Variants in CEP128 observed in about 807,000 individuals in gnomAD.
The protein encoded by CEP128 is centrosomal protein 128.
In CEP128, 132 loss-of-function variants were observed where a neutral mutation model predicts 156.7. The observed-to-expected ratio is 0.84, with a 90% confidence interval of 0.73 to 0.97. The LOEUF is 0.97. Among genes scored for constraint, CEP128 ranks in the 50% least tolerant of loss-of-function variants. The probability of loss-of-function intolerance (pLI) is 0.00; values close to 1 mark genes in which losing one functional copy is unlikely to be tolerated. For missense variants in CEP128, 1,252 were observed against 1,281.9 expected, an observed-to-expected ratio of 0.98 and a Z score of 0.36; for synonymous variants, 469 against 448.9, an observed-to-expected ratio of 1.04 and a Z score of -0.57.
chr14:80,734,718 C>A (rs1040776596), intron 19 of CEP128, among the ~76,000 whole-genome samples: 1 of 151,480 alleles, frequency 6.6e-6, no homozygotes, highest in African/African-American at 2.4e-5. Flanking sequence ...TATGGTGGTA[C>A]ACACCTGTAA....
At chr14:80,750,609 T>C (rs1241746971) in intron 18 of CEP128, among the ~76,000 whole-genome samples, 1 of 152,228 alleles carries the variant, frequency 6.6e-6, no homozygotes, top group Non-Finnish European at 1.5e-5. Context: ...CGTTGCCTTT[T>C]CTCCAATGCT....
At chr14:80,701,830 C>A (rs1054564221) in intron 19 of CEP128, among the ~76,000 whole-genome samples, 2 of 152,172 alleles carry the variant, frequency 1.3e-5, no homozygotes, top group African/African-American at 2.4e-5. Flanking sequence ...CCTGTTCCAG[C>A]CACACTGGCT....
intron 2 of CEP128, among the ~76,000 whole-genome samples, chr14:80,923,579 G>T (rs937461042): frequency 6.6e-6 from 1 of 152,176 alleles, no homozygotes; most frequent in Non-Finnish European, 1.5e-5. Context: ...ACTGACTAGT[G>T]CATGTTAAGT....
intron 19 of CEP128, among the ~76,000 whole-genome samples, chr14:80,615,238 G>T (rs1037807291): frequency 2.6e-5 from 4 of 152,096 alleles, no homozygotes; most frequent in Non-Finnish European, 1.5e-5. Flanking sequence ...AATAAAAAAT[G>T]ACATTAAATA....
chr14:80,524,660 C>A (rs1489999439), intron 23 of CEP128, among the ~76,000 whole-genome samples: 1 of 152,054 alleles, frequency 6.6e-6, no homozygotes, highest in Non-Finnish European at 1.5e-5. Flanking sequence ...CCAATGACTA[C>A]CAAAAATGTT....
chr14:80,766,793 C>T (rs762783758), intron 16 of CEP128, among the ~76,000 whole-genome samples: 13 of 152,020 alleles, frequency 8.6e-5, no homozygotes, highest in Non-Finnish European at 1.6e-4. Context: ...CCAAGGCCAT[C>T]TTTACATACG....
chr14:80,754,354 G>C (rs1347998152), intron 18 of CEP128, among the ~76,000 whole-genome samples: 2 of 151,928 alleles, frequency 1.3e-5, no homozygotes, highest in Non-Finnish European at 2.9e-5. Flanking sequence ...TGGGACATCA[G>C]CCTCCATGGC....
downstream of CEP128, among the ~76,000 whole-genome samples, chr14:80,493,306 G>A (rs1432305267): frequency 6.6e-6 from 1 of 152,140 alleles, no homozygotes; most frequent in Non-Finnish European, 1.5e-5. Context: ...AATAAATATT[G>A]CAAGGCTCTG....
At chr14:80,715,095 C>T (rs1405782597) in intron 19 of CEP128, among the ~76,000 whole-genome samples, 4 of 152,078 alleles carry the variant, frequency 2.6e-5, no homozygotes, top group African/African-American at 9.6e-5. Flanking sequence ...TGGTGGTGTG[C>T]ACCCATGGTC....
chr14:80,602,374 C>T (rs995137522), intron 19 of CEP128, among the ~76,000 whole-genome samples: 2 of 152,208 alleles, frequency 1.3e-5, no homozygotes, highest in African/African-American at 4.8e-5. Flanking sequence ...ACCTAATAGT[C>T]ATCTATAGAA....
In CEP128 at chr14:80,836,187, G is replaced by A; in HGVS notation, c.1057+18C>T. On this transcript the variant is annotated intron_variant, in intron 12 of 24. Coordinates refer to ENST00000555265, the MANE Select transcript of CEP128 (RefSeq NM_152446.5). ...CCCACACACATTATCACATTATTAG[G>A]TACAAATCTACTTTTACCTCTCCTA... 1 of 1,612,710 alleles carries A rather than the reference G, an allele frequency of 6.2e-7. No homozygotes were observed. Among genetic ancestry groups the A allele is most frequent in the Non-Finnish European group, 8.5e-7 (1 of 1,179,082 alleles).
intron 9 of CEP128, among the ~76,000 whole-genome samples, chr14:80,860,067 T>G (rs1315800368): frequency 6.6e-6 from 1 of 152,100 alleles, no homozygotes; most frequent in Non-Finnish European, 1.5e-5. Context: ...AGGAAAAAAA[T>G]GCATCAATTA....
At chr14:80,949,293 T>C (rs762539938) in intron 2 of CEP128, among the ~76,000 whole-genome samples, 1 of 152,030 alleles carries the variant, frequency 6.6e-6, no homozygotes, top group Non-Finnish European at 1.5e-5. Context: ...GATTCTTTAA[T>C]TGGGGAGACA....
At chr14:80,896,290 A>G (rs1489211603) in intron 7 of CEP128, among the ~76,000 whole-genome samples, 1 of 152,176 alleles carries the variant, frequency 6.6e-6, no homozygotes, top group Non-Finnish European at 1.5e-5. Flanking sequence ...CCTCAAATTA[A>G]TAACATACAT....
intron 16 of CEP128, among the ~76,000 whole-genome samples, chr14:80,773,620 T>C (rs1358655203): frequency 6.6e-6 from 1 of 152,300 alleles, no homozygotes; most frequent in East Asian, 1.9e-4. Flanking sequence ...CAGATCCATA[T>C]AGATCAGGCA....
intron 19 of CEP128, among the ~76,000 whole-genome samples, chr14:80,719,222 C>G (rs1897722734): frequency 6.6e-6 from 1 of 152,194 alleles, no homozygotes; most frequent in Non-Finnish European, 1.5e-5. Context: ...TTCTAAATAA[C>G]CTGCCCCTTA....
At chr14:80,566,552 A>T (rs1297632859) in intron 20 of CEP128, among the ~76,000 whole-genome samples, 3 of 152,262 alleles carry the variant, frequency 2.0e-5, no homozygotes, top group Non-Finnish European at 4.4e-5. Context: ...GTGTAGCAAC[A>T]TCAAAAAAAG....
chr14:80,609,747 T>C (rs981090500), intron 19 of CEP128, among the ~76,000 whole-genome samples: 3 of 152,062 alleles, frequency 2.0e-5, no homozygotes, highest in South Asian at 2.1e-4. Context: ...ATCAGTCCGT[T>C]TGGAAAGAAT....
chr14:80,613,007 A>ATTTTTTTTTTT (rs66946967), intron 19 of CEP128, among the ~76,000 whole-genome samples: 1 of 114,702 alleles, frequency 8.7e-6, no homozygotes, highest in African/African-American at 3.2e-5. Flanking sequence ...CACCCGGCGA[A>ATTTTTTTTTTT]TTTTTTTTTT....
Sources: gnomAD v4.1 joint callset for allele counts (sites outside exome capture counted in the v4.1 genomes callset) on GRCh38, gnomAD v4.1.1 for gene constraint, MANE v1.5 for transcripts, NCBI Gene and HGNC (gene_info 2026-07-23, HGNC 2026-07-21) for gene names.